Variants in FURIN observed in about 807,000 individuals in gnomAD.
FURIN encodes the protein FES upstream region.
Under a neutral mutation model 89.2 loss-of-function variants are expected in FURIN, and 18 were observed. That is an observed-to-expected ratio of 0.20 (90% CI 0.14 to 0.30). FURIN has a LOEUF of 0.30. Among genes scored for constraint, FURIN ranks in the 10% least tolerant of loss-of-function variants. The pLI is 1.00. For missense variants in FURIN, 879 were observed against 1,100.5 expected (o/e 0.80, Z 2.85); for synonymous variants, 508 against 466.4 (o/e 1.09, Z -1.15).
intron 7 of FURIN, 38 bp from the exon 8 acceptor site, chr15:90,878,094 A>G (rs755326686): frequency 5.0e-6 from 8 of 1,608,848 alleles, no homozygotes; most frequent in Admixed American, 1.7e-5. Flanking sequence ...AGCTGGACCC[A>G]TGCAGCATCC....
chr15:90,871,989 T>TG (rs1314805079), intron 1 of FURIN, among the ~76,000 whole-genome samples: 1 of 151,086 alleles, frequency 6.6e-6, no homozygotes, highest in African/African-American at 2.4e-5. Context: ...GGGCCCCTGC[T>TG]GGGGGCGGGA....
At chr15:90,880,569 C>A in intron 13 of FURIN, 122 bp from the exon 14 acceptor site, 1 of 1,114,708 alleles carries the variant, frequency 9.0e-7, no homozygotes, top group Non-Finnish European at 1.3e-6. Context: ...CCAGCAGGCA[C>A]TTCTGGCCCC....
At position 90,873,763 on chromosome 15, in the gene FURIN, TC is replaced by T. The variant is rs1482070899; in HGVS notation, c.-159-1817del. Among the ~76,000 whole-genome samples, 31 of 152,124 alleles carry T rather than the reference TC, an allele frequency of 2.0e-4. 1 individual carries two copies. Among genetic ancestry groups the T allele is most frequent in the Admixed American group, 8.5e-4 (13 of 15,276 alleles). ...GTGGTTCCGAGGCCTGCCCTGGAAGTCCTGTGGAGTCTGCCCGCAGGGATGT... is the reference window on the plus strand; with the variant it reads ...GTGGTTCCGAGGCCTGCCCTGGAAGTCTGTGGAGTCTGCCCGCAGGGATGT... On this transcript the variant is annotated intron_variant, in intron 1 of 15. Coordinates refer to ENST00000268171, the MANE Select transcript of FURIN (RefSeq NM_002569.4).
At chr15:90,868,956 C>T (rs2031163814) in intron 1 of FURIN, among the ~76,000 whole-genome samples, 1 of 152,184 alleles carries the variant, frequency 6.6e-6, no homozygotes, top group African/African-American at 2.4e-5. Context: ...GCTTTATTTG[C>T]TGTGCCTGAG....
At chr15:90,872,341 C>T (rs1486043708) in intron 1 of FURIN, among the ~76,000 whole-genome samples, 1 of 152,184 alleles carries the variant, frequency 6.6e-6, no homozygotes, top group Non-Finnish European at 1.5e-5. Context: ...AGTCACTTGT[C>T]TGGTCAGAAC....
In FURIN at chr15:90,876,288, G is replaced by A. The variant is rs1277992357; in HGVS notation, c.211G>A (p.Gly71Arg). ...FGDYYHFWHR[G>R]VTKRSLSPHR... ...GGACTATTACCACTTCTGGCATCGAGGAGTGACGAAGCGGTCCCTGTCGCC... is the reference window on the plus strand; with the variant it reads ...GGACTATTACCACTTCTGGCATCGAAGAGTGACGAAGCGGTCCCTGTCGCC... The change falls in exon 3 of 16, where the codon GGA becomes AGA. Residue 71 changes from glycine (G) to arginine (R), a missense_variant. Gly to Arg is a moderately radical substitution (Grantham distance 125). Coordinates refer to ENST00000268171, the MANE Select transcript of FURIN (RefSeq NM_002569.4). The surrounding 1 kb of genome is among the most constrained non-coding windows in gnomAD (Gnocchi z 5.0). The A allele has an allele frequency of 1.2e-6, 2 of 1,612,216 alleles. No individual in the cohort carries two copies. The highest frequency in any genetic ancestry group is 2.7e-5 in the African/African-American group (2 of 74,888).
Position 90,878,320 on chromosome 15 carries a change from G to T in FURIN, c.840+16G>T. ...GGTTAGCCAGGTGAGGTGGGGATCT[G>T]TCCAGCCCCTGCGGGCAGGTTGGGT... is the stretch of plus-strand genomic sequence containing the variant. On this transcript the variant is annotated intron_variant, in intron 8 of 15. Transcript: ENST00000268171. 6.4e-7 allele frequency: 1 copy of T among 1,561,276 alleles called. No homozygotes were observed. Among genetic ancestry groups the T allele is most frequent in the East Asian group, 2.3e-5 (1 of 44,206 alleles).
At position 90,882,134 on chromosome 15, in the gene FURIN, T is replaced by TGCCCCGGCCCCG. The variant is rs374349317; in HGVS notation, c.*262_*273dup. ...AAGGAGTGAAACCTTTAGGGCAGCT[T>TGCCCCGGCCCCG]GCCCCGGCCCCGGCCCCAGCCAGAG... On this transcript the variant is annotated 3_prime_UTR_variant, in exon 16 of 16. Coordinates refer to ENST00000268171, the MANE Select transcript of FURIN (RefSeq NM_002569.4). 4 of 463,806 alleles carry TGCCCCGGCCCCG rather than the reference T, an allele frequency of 8.6e-6. No homozygotes were observed. Among genetic ancestry groups the TGCCCCGGCCCCG allele is most frequent in the African/African-American group, 8.2e-5 (4 of 48,528 alleles). The allele number at this position is 463,806 out of a possible 1,614,324, so 28.7% of individuals were successfully genotyped here.
At position 90,881,482 on chromosome 15, in the gene FURIN, C is replaced by G; in HGVS notation, c.1989C>G (p.Pro663=). The G allele has an allele frequency of 6.2e-7, 1 of 1,612,170 alleles. No homozygotes were observed. The highest frequency in any genetic ancestry group is 8.5e-7 in the Non-Finnish European group (1 of 1,179,770). ...CCCTGACAGACTGCCTCAGCTGCCCCAGCCACGCCTCCTTGGACCCTGTGG... is the reference window on the plus strand; with the variant it reads ...CCCTGACAGACTGCCTCAGCTGCCCGAGCCACGCCTCCTTGGACCCTGTGG... The part of the protein sequence containing the change: ...GPALTDCLSC[P]SHASLDPVEQ... The change falls in exon 16 of 16, where the codon CCC becomes CCG. Residue 663 remains proline, a synonymous_variant. Transcript: ENST00000268171. This position sits in a 1 kb window ranked among gnomAD's most constrained non-coding sequence, Gnocchi z 4.3.
chr15:90,877,832 C>T (rs530996845), intron 7 of FURIN, among the ~76,000 whole-genome samples: 3 of 152,242 alleles, frequency 2.0e-5, no homozygotes, highest in Non-Finnish European at 4.4e-5. Flanking sequence ...ATCCTCACGA[C>T]CCACTGTGAG....
In FURIN at chr15:90,877,202, A is replaced by G. The variant is rs1489936915; in HGVS notation, c.569A>G (p.Asn190Ser). ...PDPQPRYTQM[N>S]DNRHGTRCAG... The stretch of plus-strand genomic sequence containing the variant: ...CCCCAGCCTCGGTACACACAGATGA[A>G]TGACAACAGGTAAGAAGTGGCAGGC... The change falls in exon 6 of 16, where the codon AAT becomes AGT. Residue 190 changes from asparagine to serine, a missense_variant. Physicochemically the swap from Asn to Ser is conservative, Grantham distance 46 (BLOSUM62 1). Coordinates refer to ENST00000268171, the MANE Select transcript of FURIN (RefSeq NM_002569.4). 2.5e-6 allele frequency: 4 copies of G among 1,608,270 alleles called. No homozygotes were observed. Among genetic ancestry groups the G allele is most frequent in the Admixed American group, 3.4e-5 (2 of 59,234 alleles).
In FURIN at chr15:90,876,132, G is replaced by A. The variant is rs1440564925; in HGVS notation, c.178-123G>A. The A allele has an allele frequency of 7.4e-6, 6 of 806,160 alleles. No individual in the cohort carries two copies. The highest frequency in any genetic ancestry group is 1.3e-5 in the Non-Finnish European group (6 of 473,770). 49.9% of individuals were successfully genotyped at this position (806,160 alleles called of 1,614,324 possible). A position where few individuals can be genotyped will look rare whatever the true frequency, so the allele number is the denominator to read the frequency against. ...CGCATTTTGCTGGGTCCCGGACAGG[G>A]AGCAGATGCCCCGCACCCCCGACCG... On this transcript the variant is annotated intron_variant, in intron 2 of 15. Coordinates refer to ENST00000268171, the MANE Select transcript of FURIN (RefSeq NM_002569.4). The surrounding 1 kb of genome is among the most constrained non-coding windows in gnomAD (Gnocchi z 5.0).
intron 8 of FURIN, 90 bp from the exon 9 acceptor site, chr15:90,878,674 C>A: frequency 2.7e-6 from 2 of 746,964 alleles, no homozygotes; most frequent in Non-Finnish European, 4.5e-6. Context: ...GAGAATGAGG[C>A]TCCAGCCTTC....
chr15:90,881,864 C>G lies in FURIN; in HGVS notation c.2371C>G (p.Gln791Glu). The G allele has an allele frequency of 6.2e-7, 1 of 1,611,742 alleles. No homozygotes were observed. The highest frequency in any genetic ancestry group is 8.5e-7 in the Non-Finnish European group (1 of 1,179,324). Reference protein sequence around the residue: ...RGERTAFIKDQSAL With the variant: ...RGERTAFIKDESAL ...CGAGAGGACCGCCTTTATCAAAGAC[C>G]AGAGCGCCCTCTGATGAGCCCACTG... Residue 791 changes from glutamine to glutamate, a missense_variant, in exon 16 of 16, where the codon CAG becomes GAG. This residue lies in a region of FURIN where 457 missense variants were observed against 490.7 expected (regional missense o/e 0.93). Coordinates refer to ENST00000268171, the MANE Select transcript of FURIN (RefSeq NM_002569.4). This position sits in a 1 kb window ranked among gnomAD's most constrained non-coding sequence, Gnocchi z 4.3.
At position 90,877,544 on chromosome 15, in the gene FURIN, C is replaced by T. The variant is rs1028150907; in HGVS notation, c.596C>T (p.Ala199Val). 1.9e-6 allele frequency: 3 copies of T among 1,576,564 alleles called. No individual in the cohort carries two copies. The highest frequency in any genetic ancestry group is 2.6e-6 in the Non-Finnish European group (3 of 1,160,876). The change falls in exon 7 of 16, where the codon GCG (alanine) becomes GTG (valine). Residue 199 changes from alanine (A) to valine (V), a missense_variant. Physicochemically the swap from Ala to Val is moderately conservative, Grantham distance 64. Around this residue, in one of 5 missense-constraint regions of FURIN, gnomAD observed 139 missense variants for 215.0 expected, o/e 0.65. Transcript: ENST00000268171. ...MNDNRHGTRC[A>V]GEVAAVANNG... is the part of the protein sequence containing the mutation. ...CCTGGCAGGCACGGCACACGGTGTG[C>T]GGGGGAAGTGGCTGCGGTGGCCAAC...
In FURIN at chr15:90,879,693, A is replaced by G; in HGVS notation, c.1177A>G (p.Met393Val). The G allele has an allele frequency of 3.7e-6, 6 of 1,613,660 alleles. No individual in the cohort carries two copies. Among genetic ancestry groups the G allele is most frequent in the Non-Finnish European group, 5.1e-6 (6 of 1,179,960 alleles). The change falls in exon 11 of 16, where the codon ATG (methionine) becomes GTG (valine). Residue 393 changes from methionine (M) to valine (V), a missense_variant. Met to Val is a conservative substitution (Grantham distance 21). Coordinates refer to ENST00000268171, the MANE Select transcript of FURIN (RefSeq NM_002569.4). The part of the protein sequence containing the change: ...EANKNLTWRD[M>V]QHLVVQTSKP... The stretch of plus-strand genomic sequence containing the variant: ...CAGTAAGAACCTCACATGGCGGGAC[A>G]TGCAACACCTGGTGGTACAGACCTC...
At chr15:90,875,966 CAG>C (rs1270334523) in intron 2 of FURIN, 49 bp downstream of exon 2, 9 of 1,440,462 alleles carry the variant, frequency 6.2e-6, no homozygotes, top group Middle Eastern at 3.8e-4. Context: ...CCAGAGAAGA[CAG>C]GGATTCTGGG....
rs528388688 is a variant in FURIN, at chr15:90,882,277, T to C, written c.*399T>C. 4.6e-6 allele frequency: 1 copy of C among 218,052 alleles called. No individual in the cohort carries two copies. Among genetic ancestry groups the C allele is most frequent in the South Asian group, 6.1e-5 (1 of 16,492 alleles). The allele number at this position is 218,052 out of a possible 1,614,324, so 13.5% of individuals were successfully genotyped here. On this transcript the variant is annotated 3_prime_UTR_variant, in exon 16 of 16. Transcript: ENST00000268171. ...TGGTCCCATCCAGGCAGTCGGGGGC[T>C]GGCCTAGGAGATATCTGAGGGAGGA...
intron 1 of FURIN, chr15:90,873,143 C>A (rs2031410665): frequency 1.3e-5 from 2 of 152,172 alleles, no homozygotes; most frequent in African/African-American, 4.8e-5. Context: ...CCCATTCATT[C>A]ATTGTTTTCA....
Sources: allele counts gnomAD v4.1 joint callset (sites outside exome capture counted in the v4.1 genomes callset), GRCh38; gene constraint gnomAD v4.1.1; regional missense constraint gnomAD v4.1.1; non-coding constraint Gnocchi (gnomAD v3.1); transcripts MANE v1.5; gene names NCBI Gene and HGNC (gene_info 2026-07-23, HGNC 2026-07-21).